Variants in CNTNAP2 observed in about 807,000 individuals in gnomAD.
CNTNAP2 encodes the protein contactin-associated protein-like 2.
In CNTNAP2, 98 loss-of-function variants were observed where a neutral mutation model predicts 155.2. The ratio of observed to expected loss-of-function variants is 0.63; its 90% CI spans 0.54 to 0.75. The LOEUF (loss-of-function observed/expected upper bound fraction) is 0.75, where lower values mean the gene tolerates loss of function less well. CNTNAP2 is among the 30% of genes least tolerant of loss of function. The pLI, the probability that CNTNAP2 is intolerant of heterozygous loss-of-function variation, is 0.00. For synonymous variants in CNTNAP2, 651 were observed against 631.2 expected (o/e 1.03, Z -0.47); for missense variants, 1,727 against 1,688.1 (o/e 1.02, Z -0.40).
chr7:148,114,192 T>G (rs1804415015), intron 15 of CNTNAP2, among the ~76,000 whole-genome samples: 1 of 152,218 alleles, frequency 6.6e-6, no homozygotes, highest in Non-Finnish European at 1.5e-5. Flanking sequence ...ATGAAGTCTA[T>G]AGGGAGTTAT....
At chr7:147,257,061 T>G (rs1804347607) in intron 8 of CNTNAP2, among the ~76,000 whole-genome samples, 1 of 152,154 alleles carries the variant, frequency 6.6e-6, no homozygotes, top group Non-Finnish European at 1.5e-5. Flanking sequence ...CTGATAGGTT[T>G]TTGACAAAAC....
chr7:147,902,622 A>G (rs1799888238), intron 13 of CNTNAP2, among the ~76,000 whole-genome samples: 1 of 152,022 alleles, frequency 6.6e-6, no homozygotes. Flanking sequence ...GCATCCTCAT[A>G]GCTTAGCTCC....
intron 3 of CNTNAP2, among the ~76,000 whole-genome samples, chr7:147,007,402 A>G (rs1432879087): frequency 6.6e-6 from 1 of 152,120 alleles, no homozygotes; most frequent in Non-Finnish European, 1.5e-5. Context: ...CTGTCTGTCT[A>G]TCTACCTGTC....
At chr7:147,775,406 T>G (rs1341086093) in intron 13 of CNTNAP2, among the ~76,000 whole-genome samples, 1 of 116,104 alleles carries the variant, frequency 8.6e-6, no homozygotes, top group African/African-American at 3.2e-5. Flanking sequence ...TATATATTTA[T>G]ATATATATTT....
chr7:147,332,798 G>T (rs905891341), intron 9 of CNTNAP2, among the ~76,000 whole-genome samples: 1 of 152,152 alleles, frequency 6.6e-6, no homozygotes, highest in African/African-American at 2.4e-5. Context: ...GGAGGCAGAA[G>T]CTGTAGTGAG....
chr7:148,220,173 G>A (rs1795719204), intron 19 of CNTNAP2, among the ~76,000 whole-genome samples: 1 of 152,210 alleles, frequency 6.6e-6, no homozygotes, highest in East Asian at 1.9e-4. Context: ...CATGATCTCG[G>A]CTCACTGCAA....
chr7:147,753,274 T>G (rs1246682389), intron 13 of CNTNAP2, among the ~76,000 whole-genome samples: 2 of 152,224 alleles, frequency 1.3e-5, no homozygotes, highest in Non-Finnish European at 2.9e-5. Context: ...AGACTGAAAC[T>G]AATTCTGAGA....
intron 9 of CNTNAP2, among the ~76,000 whole-genome samples, chr7:147,371,852 ATAT>A (rs1222619776): frequency 6.6e-6 from 1 of 152,126 alleles, no homozygotes; most frequent in African/African-American, 2.4e-5. Flanking sequence ...ATAGTCATAT[ATAT>A]TATTATAGAT....
chr7:146,237,873 A>G (rs997550212), intron 1 of CNTNAP2, among the ~76,000 whole-genome samples: 2 of 152,248 alleles, frequency 1.3e-5, no homozygotes, highest in Admixed American at 1.3e-4. Flanking sequence ...ACTTGAGCAT[A>G]AAAGTGTTTT....
intron 1 of CNTNAP2, among the ~76,000 whole-genome samples, chr7:146,597,965 A>G (rs927355439): frequency 6.6e-6 from 1 of 152,068 alleles, no homozygotes; most frequent in Non-Finnish European, 1.5e-5. Context: ...CAGCCTTACA[A>G]GGTCATAACT....
At chr7:147,354,934 G>T (rs1796037456) in intron 9 of CNTNAP2, among the ~76,000 whole-genome samples, 1 of 152,056 alleles carries the variant, frequency 6.6e-6, no homozygotes, top group Non-Finnish European at 1.5e-5. Context: ...TTGGCTCTCT[G>T]ATTGTCTATT....
intron 1 of CNTNAP2, among the ~76,000 whole-genome samples, chr7:146,673,419 A>C (rs2129168511): frequency 6.6e-6 from 1 of 152,330 alleles, no homozygotes; most frequent in East Asian, 1.9e-4. Context: ...CGAAACAGAA[A>C]TGTTGAATTA....
intron 12 of CNTNAP2, among the ~76,000 whole-genome samples, chr7:147,582,709 TATTA>T (rs1800527116): frequency 6.6e-6 from 1 of 152,166 alleles, no homozygotes; most frequent in Non-Finnish European, 1.5e-5. Context: ...TAGCTTATCT[TATTA>T]ATTGTGTCAG....
chr7:146,617,361 T>C (rs1341635784), intron 1 of CNTNAP2, among the ~76,000 whole-genome samples: 1 of 152,214 alleles, frequency 6.6e-6, no homozygotes, highest in Non-Finnish European at 1.5e-5. Context: ...TGTGAGCCTG[T>C]GCATTTTTCT....
At chr7:146,290,115 G>A (rs1302815297) in intron 1 of CNTNAP2, among the ~76,000 whole-genome samples, 1 of 152,134 alleles carries the variant, frequency 6.6e-6, no homozygotes, top group African/African-American at 2.4e-5. Context: ...TATGAGGTAT[G>A]GCTCACACCC....
chr7:146,967,871 C>T (rs938007755), intron 3 of CNTNAP2, among the ~76,000 whole-genome samples: 173 of 152,112 alleles, frequency 1.1e-3, no homozygotes, highest in African/African-American at 3.8e-3. Flanking sequence ...TGAGAGAGGG[C>T]ATCCCTGTCT....
chr7:148,060,998 G>C (rs1585103786), intron 15 of CNTNAP2, among the ~76,000 whole-genome samples: 4 of 152,302 alleles, frequency 2.6e-5, no homozygotes, highest in Admixed American at 2.6e-4. Context: ...AACAGAAATT[G>C]AGAGTTTGAG....
At chr7:147,135,947 A>G (rs1801469136) in intron 8 of CNTNAP2, among the ~76,000 whole-genome samples, 2 of 151,658 alleles carry the variant, frequency 1.3e-5, no homozygotes, top group African/African-American at 4.8e-5. Context: ...TGGAAAACTA[A>G]ATTTGTCTTA....
chr7:146,440,694 G>T (rs911619108), intron 1 of CNTNAP2, among the ~76,000 whole-genome samples: 4 of 151,638 alleles, frequency 2.6e-5, no homozygotes, highest in African/African-American at 9.8e-5. Flanking sequence ...GTTGGCTGAT[G>T]AGAGGTTACT....
Sources: gnomAD v4.1 joint callset for allele counts (sites outside exome capture counted in the v4.1 genomes callset) on GRCh38, gnomAD v4.1.1 for gene constraint, MANE v1.5 for transcripts, NCBI Gene and HGNC (gene_info 2026-07-23, HGNC 2026-07-21) for gene names.